The following PCDHA11 variants were observed in gnomAD, a reference collection of about 807,000 sequenced individuals.
The protein encoded by PCDHA11 is protocadherin alpha-11.
A neutral mutation model predicts 70.3 loss-of-function variants in PCDHA11; 61 were observed. That is an observed-to-expected ratio of 0.87 (90% CI 0.71 to 1.07). The LOEUF (loss-of-function observed/expected upper bound fraction) is 1.07, where lower values mean the gene tolerates loss of function less well. PCDHA11 is among the 50% of genes least tolerant of loss of function. The pLI is 0.00. For synonymous variants in PCDHA11, 633 were observed against 555.1 expected (o/e 1.14, Z -1.97); for missense variants, 1,324 against 1,237.5 (o/e 1.07, Z -1.05).
At chr5:140,976,753 G>A (rs2096729890) in intron 1 of PCDHA11, among the ~76,000 whole-genome samples, 1 of 152,130 alleles carries the variant, frequency 6.6e-6, no homozygotes. Context: ...CCTCCCAGAT[G>A]CCAGAAGCCT....
intron 1 of PCDHA11, among the ~76,000 whole-genome samples, chr5:140,899,694 T>G (rs961067519): frequency 2.0e-5 from 3 of 152,236 alleles, no homozygotes; most frequent in African/African-American, 4.8e-5. Flanking sequence ...GCTGGCCTCA[T>G]AAAATGAGTT....
At chr5:140,912,613 T>C in intron 1 of PCDHA11, among the ~76,000 whole-genome samples, 1 of 152,290 alleles carries the variant, frequency 6.6e-6, no homozygotes, top group Middle Eastern at 3.4e-3. Flanking sequence ...TCTTGTCTGA[T>C]TACTCTGGAT....
intron 3 of PCDHA11, among the ~76,000 whole-genome samples, chr5:141,006,727 G>A (rs2098285106): frequency 6.6e-6 from 1 of 152,080 alleles, no homozygotes. Context: ...AGAAATGACA[G>A]GTCTTGATGA....
At chr5:140,960,785 A>C (rs1452809407) in intron 1 of PCDHA11, among the ~76,000 whole-genome samples, 2 of 152,200 alleles carry the variant, frequency 1.3e-5, no homozygotes, top group Admixed American at 1.3e-4. Context: ...AGGGCCAAAC[A>C]AGGTTTCTAT....
At chr5:140,891,972 T>C (rs1273277446) in intron 1 of PCDHA11, among the ~76,000 whole-genome samples, 1 of 152,222 alleles carries the variant, frequency 6.6e-6, no homozygotes, top group African/African-American at 2.4e-5. Flanking sequence ...TAAATTTCCG[T>C]TCTCATAAAT....
Position 140,868,966 on chromosome 5 carries a change from A to G in PCDHA11, c.-138A>G, listed in dbSNP as rs2050768695. 7.0e-7 allele frequency: 1 copy of G among 1,433,890 alleles called. No homozygotes were observed. The highest frequency in any genetic ancestry group is 9.3e-7 in the Non-Finnish European group (1 of 1,069,682). 88.8% of individuals were successfully genotyped at this position (1,433,890 alleles called of 1,614,324 possible). A position where few individuals can be genotyped will look rare whatever the true frequency, so the allele number is the denominator to read the frequency against. On this transcript the variant is annotated 5_prime_UTR_variant, in exon 1 of 4. Transcript: ENST00000398640. ...ACAGTGAGGCACTCCCATACAAAGG[A>G]ACTCCATCATACCGGATGCCACCGT...
chr5:140,892,180 T>G (rs1176959692), intron 1 of PCDHA11, among the ~76,000 whole-genome samples: 1 of 152,224 alleles, frequency 6.6e-6, no homozygotes, highest in Non-Finnish European at 1.5e-5. Flanking sequence ...GGGATCCTCA[T>G]GGGTCTATTC....
At chr5:141,002,456 A>G (rs2098081347) in intron 3 of PCDHA11, among the ~76,000 whole-genome samples, 1 of 152,242 alleles carries the variant, frequency 6.6e-6, no homozygotes, top group Non-Finnish European at 1.5e-5. Context: ...GCACATTTGT[A>G]TAACGCTTTA....
chr5:140,976,814 A>G (rs1276394910), intron 1 of PCDHA11, among the ~76,000 whole-genome samples: 1 of 152,242 alleles, frequency 6.6e-6, no homozygotes, highest in East Asian at 1.9e-4. Flanking sequence ...GAAGATATGC[A>G]TGTGTCTAAT....
chr5:140,966,206 T>C, intron 1 of PCDHA11: 1 of 227,662 alleles, frequency 4.4e-6, no homozygotes, highest in Non-Finnish European at 8.5e-6. Context: ...GCTTGACTGC[T>C]TTTCCCAGAC....
At chr5:140,879,137 G>A (rs1313863348) in intron 1 of PCDHA11, among the ~76,000 whole-genome samples, 2 of 152,210 alleles carry the variant, frequency 1.3e-5, no homozygotes, top group Non-Finnish European at 2.9e-5. Context: ...GGGAGATTGT[G>A]AAGGCAGGAA....
chr5:140,960,253 G>A (rs1554224599), intron 1 of PCDHA11, among the ~76,000 whole-genome samples: 1 of 152,178 alleles, frequency 6.6e-6, no homozygotes, highest in African/African-American at 2.4e-5. Context: ...GCTTCCTGGA[G>A]CTTCTGATAA....
chr5:140,932,500 T>C (rs2088368568), intron 1 of PCDHA11, among the ~76,000 whole-genome samples: 3 of 151,914 alleles, frequency 2.0e-5, no homozygotes, highest in Non-Finnish European at 4.4e-5. Context: ...ATGTCATTTG[T>C]TAACAGTAGT....
chr5:140,915,937 G>A (rs782632336), intron 1 of PCDHA11, among the ~76,000 whole-genome samples: 7 of 152,104 alleles, frequency 4.6e-5, no homozygotes, highest in African/African-American at 7.2e-5. Flanking sequence ...GTCAGGGATT[G>A]GAGTCAAAAT....
In PCDHA11 at chr5:141,009,879, A is replaced by T. The variant is rs2098415109; in HGVS notation, c.2792A>T (p.Asn931Ile). The T allele has an allele frequency of 1.2e-6, 2 of 1,613,766 alleles. No individual in the cohort carries two copies. The highest frequency in any genetic ancestry group is 3.3e-5 in the Admixed American group (2 of 59,900). Reference sequence around the variant, plus strand: ...AAAAAGAAGAAAAAGAAGAAGGGTAACAAGACCCAGGAGAAAAAAGAGAAA... The same window carrying T: ...AAAAAGAAGAAAAAGAAGAAGGGTATCAAGACCCAGGAGAAAAAAGAGAAA... The part of the protein sequence containing the change: ...TKKKKKKKKG[N>I]KTQEKKEKGN... Residue 931 changes from asparagine to isoleucine, a missense_variant, in exon 4 of 4, where the codon AAC (asparagine) becomes ATC (isoleucine). Coordinates refer to ENST00000398640, the MANE Select transcript of PCDHA11 (RefSeq NM_018902.5).
In PCDHA11 at chr5:140,870,265, C is replaced by G. The variant is rs782376161; in HGVS notation, c.1162C>G (p.Leu388Val). 6.2e-7 allele frequency: 1 copy of G among 1,614,214 alleles called. No homozygotes were observed. The highest frequency in any genetic ancestry group is 8.5e-7 in the Non-Finnish European group (1 of 1,180,040). Reference sequence around the variant, plus strand: ...TGTCAACGGACAGGTGACCTGCTCGCTGACGCCCCACGTTCCCTTCAAGCT... The same window carrying G: ...TGTCAACGGACAGGTGACCTGCTCGGTGACGCCCCACGTTCCCTTCAAGCT... ...SGVNGQVTCS[L>V]TPHVPFKLVS... The change falls in exon 1 of 4, where the codon CTG (leucine) becomes GTG (valine). Residue 388 changes from leucine (L) to valine (V), a missense_variant. Coordinates refer to ENST00000398640, the MANE Select transcript of PCDHA11 (RefSeq NM_018902.5).
At chr5:140,966,490 T>G (rs533525977) in intron 1 of PCDHA11, 2 of 437,964 alleles carry the variant, frequency 4.6e-6, no homozygotes, top group Non-Finnish European at 7.9e-6. Flanking sequence ...TCCCTCCCCC[T>G]GGAGCTGTAG....
intron 1 of PCDHA11, chr5:140,882,570 A>G (rs1562776435): frequency 6.2e-7 from 1 of 1,614,240 alleles, no homozygotes. Flanking sequence ...CGGAGCGCGG[A>G]GTGCAGCATC....
intron 1 of PCDHA11, among the ~76,000 whole-genome samples, chr5:140,894,318 T>C (rs1403062288): frequency 1.3e-5 from 2 of 152,086 alleles, no homozygotes; most frequent in Non-Finnish European, 2.9e-5. Context: ...TCTTAAATTA[T>C]AGATTTTAGT....
Sources: gnomAD v4.1 joint callset for allele counts (sites outside exome capture counted in the v4.1 genomes callset) on GRCh38, gnomAD v4.1.1 for gene constraint, MANE v1.5 for transcripts, NCBI Gene and HGNC (gene_info 2026-07-23, HGNC 2026-07-21) for gene names.